Variants in DNMBP observed in about 807,000 individuals in gnomAD.
DNMBP encodes dynamin binding protein, also known as dynamin-binding protein.
DNMBP carries 87 observed loss-of-function variants against 150.0 expected under a neutral mutation model. The observed-to-expected ratio is 0.58, with a 90% CI of 0.49 to 0.69. The LOEUF (loss-of-function observed/expected upper bound fraction) is 0.69. Ranked by LOEUF, DNMBP falls within the 30% of genes least tolerant of loss-of-function variation. The probability of loss-of-function intolerance (pLI) is 0.00; values close to 1 mark genes in which losing one functional copy is unlikely to be tolerated. For synonymous variants in DNMBP, 711 were observed against 750.4 expected (o/e 0.95, Z 0.86); for missense variants, 1,774 against 1,949.0 (o/e 0.91, Z 1.69).
At chr10:99,915,352 A>G (rs1006042622) in intron 4 of DNMBP, among the ~76,000 whole-genome samples, 1 of 151,188 alleles carries the variant, frequency 6.6e-6, no homozygotes, top group Non-Finnish European at 1.5e-5. Context: ...GTTGAGATCA[A>G]TGGGGACTCA....
rs183576561 is a variant in DNMBP at position 99,984,868 on chromosome 10, C to T, written c.-10-12734G>A. 1.8e-4 allele frequency among the ~76,000 whole-genome samples: 27 copies of T among 152,284 alleles called. No homozygotes were observed. In the Middle Eastern group the frequency reaches 0.014, roughly 77 times the overall value. On this transcript the variant is annotated intron_variant, in intron 1 of 16. Transcript: ENST00000324109. ...TTAGCCTCACAAGTAGTTGGAACTA[C>T]AGGCATGTGCCCCCACACCCAGATA...
At chr10:99,910,420 A>C (rs1244987713) in intron 4 of DNMBP, among the ~76,000 whole-genome samples, 1 of 152,182 alleles carries the variant, frequency 6.6e-6, no homozygotes, top group Admixed American at 6.5e-5. Flanking sequence ...CACACCTGTG[A>C]TCCCAGGTAC....
At chr10:99,987,109 C>T (rs1432739582) in intron 1 of DNMBP, among the ~76,000 whole-genome samples, 2 of 149,794 alleles carry the variant, frequency 1.3e-5, no homozygotes, top group African/African-American at 2.5e-5. Flanking sequence ...GAGCTGAGAT[C>T]GCGCCACTGC....
chr10:99,894,829 A>G, intron 11 of DNMBP, 117 bp downstream of exon 11: 1 of 719,368 alleles, frequency 1.4e-6, no homozygotes, highest in South Asian at 1.8e-5. Flanking sequence ...ATGATGGGGC[A>G]TAATAGTAAT....
At chr10:99,888,777 G>C in intron 12 of DNMBP, 48 bp downstream of exon 12, 1 of 1,610,122 alleles carries the variant, frequency 6.2e-7, no homozygotes, top group Non-Finnish European at 8.5e-7. Flanking sequence ...TGATGTATTT[G>C]AGATGACCCT....
chr10:99,880,336 A>C lies in DNMBP; in HGVS notation c.4023T>G (p.Ser1341=), dbSNP rs751949791. ...NGVTKGFVYS[S]FLKPYNPRRS... ...GGCGAGGATTGTAGGGCTTTAGGAA[A>C]GAGCTGTACACGAAGCCTTTGGTGA... The change falls in exon 16 of 17, where the codon TCT becomes TCG. Residue 1341 remains serine (S), a synonymous_variant. Transcript: ENST00000324109. 1.2e-6 allele frequency: 2 copies of C among 1,603,098 alleles called. No individual in the cohort carries two copies. The highest frequency in any genetic ancestry group is 8.5e-7 in the Non-Finnish European group (1 of 1,175,078).
intron 1 of DNMBP, among the ~76,000 whole-genome samples, chr10:99,996,987 T>TAA (rs80124673): frequency 0.027 from 4,165 of 152,278 alleles, 74 homozygotes; most frequent in South Asian, 0.087. Flanking sequence ...AACAAGTAAT[T>TAA]AAAACTATGG....
At chr10:99,942,695 T>C (rs7076511) in intron 4 of DNMBP, among the ~76,000 whole-genome samples, 49,097 of 152,040 alleles carry the variant, frequency 0.32, 8,002 homozygotes, top group African/African-American at 0.35. Flanking sequence ...AGGTCAATTA[T>C]ACCTCAGTTC....
At chr10:99,892,155 C>G (rs867506735) in intron 11 of DNMBP, among the ~76,000 whole-genome samples, 1 of 141,940 alleles carries the variant, frequency 7.0e-6, no homozygotes, top group Admixed American at 6.9e-5. Flanking sequence ...CCAGCCGCCC[C>G]GTCCAGGAGG....
At position 99,884,185 on chromosome 10, in the gene DNMBP, C is replaced by T. The variant is rs1401868412; in HGVS notation, c.3823G>A (p.Glu1275Lys). 2.5e-5 allele frequency: 40 copies of T among 1,613,572 alleles called. No homozygotes were observed. Among genetic ancestry groups the T allele is most frequent in the Non-Finnish European group, 3.3e-5 (39 of 1,179,988 alleles). ...GLPSYMLQSEELRASLLARYP... is the reference protein window; with the variant it reads ...GLPSYMLQSEKLRASLLARYP... ...CTGGCCAGGAGGGAGGCCCGGAGTT[C>T]TTCTGACTGTAGCATGTAACTTGGC... Residue 1275 changes from glutamate to lysine, a missense_variant, in exon 15 of 17, where the codon GAA (glutamate) becomes AAA (lysine). Glu to Lys is a moderately conservative substitution (Grantham distance 56). Transcript: ENST00000324109.
intron 1 of DNMBP, among the ~76,000 whole-genome samples, chr10:99,977,167 A>G (rs1203172748): frequency 6.6e-6 from 1 of 152,176 alleles, no homozygotes; most frequent in African/African-American, 2.4e-5. Context: ...GTGCATAATC[A>G]CTGAGGAGCA....
At chr10:99,911,915 A>C (rs1222146317) in intron 4 of DNMBP, among the ~76,000 whole-genome samples, 14 of 152,210 alleles carry the variant, frequency 9.2e-5, no homozygotes, top group Admixed American at 9.2e-4. Context: ...AATCCCAAAT[A>C]TGGTCTCATT....
intron 1 of DNMBP, among the ~76,000 whole-genome samples, chr10:99,984,640 G>T (rs2040812042): frequency 6.6e-6 from 1 of 152,222 alleles, no homozygotes; most frequent in African/African-American, 2.4e-5. Context: ...CTGCAAGGCA[G>T]GCATCTTGTT....
intron 1 of DNMBP, among the ~76,000 whole-genome samples, chr10:99,984,412 T>G (rs1244701627): frequency 6.6e-6 from 1 of 152,204 alleles, no homozygotes; most frequent in African/African-American, 2.4e-5. Flanking sequence ...ATATTAAAAT[T>G]AACAGCTCCA....
intron 6 of DNMBP, among the ~76,000 whole-genome samples, chr10:99,903,016 C>T (rs373597969): frequency 5.3e-5 from 8 of 152,068 alleles, no homozygotes; most frequent in African/African-American, 1.7e-4. Flanking sequence ...CCAACTGCAG[C>T]CTCCAACACC....
intron 4 of DNMBP, chr10:99,930,692 C>G (rs1416570648): frequency 1.4e-6 from 1 of 700,688 alleles, no homozygotes; most frequent in African/African-American, 1.7e-5. Context: ...AGTCTTCATA[C>G]TCCCAGCTGG....
intron 1 of DNMBP, among the ~76,000 whole-genome samples, chr10:99,993,459 TA>T: frequency 6.6e-6 from 1 of 152,174 alleles, no homozygotes; most frequent in East Asian, 1.9e-4. Flanking sequence ...TCTCAATTTT[TA>T]AAAGTAAGTG....
At chr10:99,986,683 G>A (rs992590080) in intron 1 of DNMBP, among the ~76,000 whole-genome samples, 6 of 145,534 alleles carry the variant, frequency 4.1e-5, no homozygotes, top group Non-Finnish European at 7.5e-5. Flanking sequence ...GACAACAAAC[G>A]CAAGTGAGCT....
At chr10:99,893,292 T>C (rs974321471) in intron 11 of DNMBP, among the ~76,000 whole-genome samples, 7 of 152,210 alleles carry the variant, frequency 4.6e-5, no homozygotes, top group African/African-American at 1.4e-4. Context: ...CAGACTCACA[T>C]AGATCAGAAA....
Sources: allele counts gnomAD v4.1 joint callset (sites outside exome capture counted in the v4.1 genomes callset), GRCh38; gene constraint gnomAD v4.1.1; transcripts MANE v1.5; gene names NCBI Gene and HGNC (gene_info 2026-07-23, HGNC 2026-07-21).